The following FNDC1 variants were observed in gnomAD, a reference collection of about 807,000 sequenced individuals.
FNDC1 encodes the protein fibronectin type III domain-containing protein 1.
In FNDC1, 96 loss-of-function variants were observed where a neutral mutation model predicts 168.0. The ratio of observed to expected loss-of-function variants is 0.57; its 90% CI spans 0.48 to 0.68. The LOEUF is 0.68. Among genes scored for constraint, FNDC1 ranks in the 30% least tolerant of loss-of-function variants. The pLI is 0.00. For missense variants in FNDC1, 2,587 were observed against 2,482.1 expected (o/e 1.04, Z -0.90); for synonymous variants, 1,099 against 1,025.9 (o/e 1.07, Z -1.36).
In FNDC1 at chr6:159,233,885, C is replaced by A; in HGVS notation, c.3373C>A (p.His1125Asn). 6.5e-7 allele frequency: 1 copy of A among 1,547,516 alleles called. No homozygotes were observed. Among genetic ancestry groups the A allele is most frequent in the East Asian group, 2.4e-5 (1 of 40,846 alleles). The change falls in exon 11 of 23, where the codon CAC becomes AAC. Residue 1125 changes from histidine (H) to asparagine (N), a missense_variant. His to Asn is a moderately conservative substitution (Grantham distance 68). Coordinates refer to ENST00000297267, the MANE Select transcript of FNDC1 (RefSeq NM_032532.3). The surrounding 1 kb of genome is among the most constrained non-coding windows in gnomAD (Gnocchi z 4.6). ...CACAGGCGCAGGGGCAGGTGGCGAC[C>A]ACAGGTCCCAGCGCGGACATGCGGC... is the stretch of plus-strand genomic sequence containing the variant. The part of the protein sequence containing the change: ...SPTGAGAGGD[H>N]RSQRGHAASP...
At chr6:159,205,104 C>A (rs1324180827) in intron 4 of FNDC1, among the ~76,000 whole-genome samples, 1 of 152,194 alleles carries the variant, frequency 6.6e-6, no homozygotes, top group Non-Finnish European at 1.5e-5. Flanking sequence ...GACCTGAGGG[C>A]AGATCTGGGG....
In FNDC1 at chr6:159,251,513, C is replaced by T; in HGVS notation, c.5046C>T (p.Thr1682=). 6.2e-7 allele frequency: 1 copy of T among 1,613,494 alleles called. No homozygotes were observed. Among genetic ancestry groups the T allele is most frequent in the Non-Finnish European group, 8.5e-7 (1 of 1,179,724 alleles). ...TCATTGTGGACTGGGACAAAGCCAC[C>T]CCAGGAGATGTGGTCACAGGTGTGT... is the stretch of plus-strand genomic sequence containing the variant. ...SFVIVDWDKA[T]PGDVVTGYLV... is the part of the protein sequence containing the mutation. The change falls in exon 17 of 23, where the codon ACC becomes ACT. Residue 1682 remains threonine (T), a synonymous_variant. Coordinates refer to ENST00000297267, the MANE Select transcript of FNDC1 (RefSeq NM_032532.3).
intron 10 of FNDC1, 76 bp downstream of exon 10, chr6:159,230,079 G>T: frequency 7.1e-7 from 1 of 1,409,658 alleles, no homozygotes; most frequent in Non-Finnish European, 9.6e-7. Context: ...TTTGAATCAT[G>T]CTCTTGGGTT....
chr6:159,257,149 G>T, intron 18 of FNDC1, among the ~76,000 whole-genome samples: 1 of 152,190 alleles, frequency 6.6e-6, no homozygotes, highest in South Asian at 2.1e-4. Flanking sequence ...AGAGTTTATT[G>T]CCCTTGGCAT....
chr6:159,259,767 T>C (rs1461645321), intron 18 of FNDC1, among the ~76,000 whole-genome samples: 1 of 152,212 alleles, frequency 6.6e-6, no homozygotes, highest in Non-Finnish European at 1.5e-5. Context: ...ACTCATATGT[T>C]CTTAATTGTG....
rs915922458 is a variant in FNDC1 at position 159,176,384 on chromosome 6, G to A, written c.109+6679G>A. ...GACACACAGGCAAGGAGGGCTGGAT[G>A]AGGATAATACAGACAGGTGATACGT... On this transcript the variant is annotated intron_variant, in intron 1 of 22. Coordinates refer to ENST00000297267, the MANE Select transcript of FNDC1 (RefSeq NM_032532.3). 7.9e-5 allele frequency among the ~76,000 whole-genome samples: 12 copies of A among 152,348 alleles called. No homozygotes were observed. The East Asian group carries it at 2.3e-3, about 29-fold the overall frequency.
chr6:159,191,286 A>G (rs1326993400), intron 1 of FNDC1, among the ~76,000 whole-genome samples: 2 of 152,200 alleles, frequency 1.3e-5, no homozygotes, highest in Non-Finnish European at 2.9e-5. Context: ...GATGGGTCCT[A>G]GGAATCAATG....
At chr6:159,190,213 A>G (rs1782104301) in intron 1 of FNDC1, among the ~76,000 whole-genome samples, 1 of 152,178 alleles carries the variant, frequency 6.6e-6, no homozygotes, top group Non-Finnish European at 1.5e-5. Context: ...GGGGTCAGGG[A>G]CAACCAGCTG....
intron 4 of FNDC1, 37 bp from the exon 5 acceptor site, chr6:159,214,908 T>C (rs1392157208): frequency 6.3e-7 from 1 of 1,593,908 alleles, no homozygotes; most frequent in East Asian, 2.2e-5. Flanking sequence ...CTAAGTGGTC[T>C]ACTGTCTAAC....
Position 159,229,850 on chromosome 6 carries a change from T to C in FNDC1, c.1216T>C (p.Phe406Leu), listed in dbSNP as rs1381525404. Reference protein sequence around the residue: ...ILSYAPALKPFGAKSLTYPGD... With the variant: ...ILSYAPALKPLGAKSLTYPGD... ...TTCATACGCCCCGGCTCTCAAACCA[T>C]TTGGAGCAAAGTCCCTCACCTATCC... Residue 406 changes from phenylalanine to leucine, a missense_variant, in exon 10 of 23, where the codon TTT becomes CTT. Coordinates refer to ENST00000297267, the MANE Select transcript of FNDC1 (RefSeq NM_032532.3). 1 of 1,613,428 alleles carries C rather than the reference T, an allele frequency of 6.2e-7. No homozygotes were observed. Among genetic ancestry groups the C allele is most frequent in the Non-Finnish European group, 8.5e-7 (1 of 1,179,572 alleles).
Position 159,236,216 on chromosome 6 carries a change from T to C in FNDC1, c.3969T>C (p.Gly1323=). ...ATTTTTATTTTTGGTACTGTGTAGG[T>C]TATAATGGCAGACCAAATGTAGAAG... ...RQPARPSYRQ[G]YNGRPNVEGK... Residue 1323 remains glycine, a splice_region_variant and synonymous_variant, in exon 12 of 23, where the codon GGT becomes GGC. Transcript: ENST00000297267. The C allele has an allele frequency of 6.2e-7, 1 of 1,611,402 alleles. No individual in the cohort carries two copies. The highest frequency in any genetic ancestry group is 8.5e-7 in the Non-Finnish European group (1 of 1,177,738).
intron 1 of FNDC1, among the ~76,000 whole-genome samples, chr6:159,170,979 T>A (rs1311900947): frequency 6.6e-6 from 1 of 152,192 alleles, no homozygotes; most frequent in Non-Finnish European, 1.5e-5. Flanking sequence ...CTGGAAGAGT[T>A]TTTGTTTCTG....
In FNDC1 at chr6:159,211,804, A is replaced by G. The variant is rs147437478; in HGVS notation, c.461-3141A>G. 4.6e-5 allele frequency among the ~76,000 whole-genome samples: 7 copies of G among 152,356 alleles called. No homozygotes were observed. In the East Asian group the frequency reaches 1.2e-3, roughly 25 times the overall value. ...GCATATGCTGTGCACTATTTTACAG[A>G]AGAAACTGAAATTCAGAGAGGTCTA... On this transcript the variant is annotated intron_variant, in intron 4 of 22. Transcript: ENST00000297267.
At position 159,239,577 on chromosome 6, in the gene FNDC1, A is replaced by G. The variant is rs1307937142; in HGVS notation, c.4241A>G (p.His1414Arg). ...CTCCCACTCTTTGGGCAGGGGCGAC[A>G]TGGCACACCTCTGGCCAATGCCCAA... ...DGLPLFGQGR[H>R]GTPLANAQDK... Residue 1414 changes from histidine to arginine, a missense_variant, in exon 14 of 23, where the codon CAT becomes CGT. By Grantham distance (29) the His-to-Arg change is conservative. Coordinates refer to ENST00000297267, the MANE Select transcript of FNDC1 (RefSeq NM_032532.3). 4 of 1,600,956 alleles carry G rather than the reference A, an allele frequency of 2.5e-6. No individual in the cohort carries two copies. Among genetic ancestry groups the G allele is most frequent in the Non-Finnish European group, 2.6e-6 (3 of 1,173,526 alleles).
At chr6:159,269,301 C>T (rs1180912090) in intron 22 of FNDC1, among the ~76,000 whole-genome samples, 5,164 of 81,802 alleles carry the variant, frequency 0.063, 1,119 homozygotes, top group Middle Eastern at 0.1. Context: ...TCCATCCATC[C>T]ATCTATCCTA....
intron 16 of FNDC1, among the ~76,000 whole-genome samples, chr6:159,249,547 T>C (rs1777214030): frequency 6.6e-6 from 1 of 152,224 alleles, no homozygotes; most frequent in African/African-American, 2.4e-5. Context: ...GTACTGTCTG[T>C]TAAATTCTTC....
rs940163328 is a variant in FNDC1 at position 159,221,684 on chromosome 6, C to T, written c.754C>T (p.Arg252Ter). 5 of 1,613,424 alleles carry T rather than the reference C, an allele frequency of 3.1e-6. No individual in the cohort carries two copies. The highest frequency in any genetic ancestry group is 1.6e-4 in the Middle Eastern group (1 of 6,082). The part of the protein sequence containing the change: ...QPVYRAALTK[R>*]KISEEDELDV... ...AGTCTACAGGGCTGCCCTAACAAAG[C>T]GAAAGATTTCAGGTATGTTTCTAAG... Residue 252 changes from arginine (R) to a stop codon, truncating the protein, a stop_gained, in exon 6 of 23, where the codon CGA (arginine) becomes TGA (stop). Transcript: ENST00000297267. LOFTEE classifies it high-confidence loss of function.
At chr6:159,241,592 G>A (rs1006682397) in intron 14 of FNDC1, among the ~76,000 whole-genome samples, 11 of 152,204 alleles carry the variant, frequency 7.2e-5, no homozygotes, top group African/African-American at 1.2e-4. Context: ...AAAGTTAAAT[G>A]TGGGGACAGT....
rs755146820 is a variant in FNDC1 at position 159,251,528 on chromosome 6, C to T, written c.5061C>T (p.Val1687=). ...ACAAAGCCACCCCAGGAGATGTGGTCACAGGTGTGTCCTAAGCAGAAATCA... is the reference window on the plus strand; with the variant it reads ...ACAAAGCCACCCCAGGAGATGTGGTTACAGGTGTGTCCTAAGCAGAAATCA... ...DWDKATPGDV[V]TGYLVYSASY... The change falls in exon 17 of 23, where the codon GTC becomes GTT. Residue 1687 remains valine (V), a synonymous_variant. Coordinates refer to ENST00000297267, the MANE Select transcript of FNDC1 (RefSeq NM_032532.3). 8.1e-6 allele frequency: 13 copies of T among 1,612,592 alleles called. 1 individual carries two copies. In the South Asian group the frequency reaches 1.2e-4, roughly 15 times the overall value.
Sources: allele counts gnomAD v4.1 joint callset (sites outside exome capture counted in the v4.1 genomes callset), GRCh38; gene constraint gnomAD v4.1.1; non-coding constraint Gnocchi (gnomAD v3.1); transcripts MANE v1.5; gene names NCBI Gene and HGNC (gene_info 2026-07-23, HGNC 2026-07-21).